The following ZNF385D variants were observed in gnomAD, a reference collection of about 807,000 sequenced individuals.
The protein encoded by ZNF385D is zinc finger protein 659.
A neutral mutation model predicts 35.8 loss-of-function variants in ZNF385D; 15 were observed. That is an observed-to-expected ratio of 0.42 (90% CI 0.28 to 0.64). ZNF385D has a LOEUF of 0.64. Ranked by LOEUF, ZNF385D falls within the 30% of genes least tolerant of loss-of-function variation. The pLI is 0.23. For synonymous variants in ZNF385D, 212 were observed against 186.8 expected, an observed-to-expected ratio of 1.13 and a Z score of -1.10; for missense variants, 474 against 494.6, an observed-to-expected ratio of 0.96 and a Z score of 0.39.
Position 21,770,304 on chromosome 3 carries a change from C to A in ZNF385D, c.326-105276G>T, listed in dbSNP as rs1196913336. 3.9e-5 allele frequency among the ~76,000 whole-genome samples: 6 copies of A among 152,212 alleles called. No individual in the cohort carries two copies. In the South Asian group the frequency reaches 1.2e-3, roughly 32 times the overall value. The stretch of plus-strand genomic sequence containing the variant: ...ACTACCATCAGAGTGAACAGGCAAC[C>A]TACAGAATGGAAGAAAATTGTTGTA... On this transcript the variant is annotated intron_variant, in intron 3 of 5. Transcript: ENST00000494108.
At chr3:22,076,801 A>C (rs977599069) in intron 3 of ZNF385D, among the ~76,000 whole-genome samples, 1 of 151,960 alleles carries the variant, frequency 6.6e-6, no homozygotes, top group Middle Eastern at 3.2e-3. Context: ...TCTTGGACAA[A>C]ATATTTGAAG....
chr3:21,996,396 G>A (rs1357030959), intron 3 of ZNF385D, among the ~76,000 whole-genome samples: 1 of 152,152 alleles, frequency 6.6e-6, no homozygotes, highest in African/African-American at 2.4e-5. Context: ...CCATGCCTCA[G>A]AGGCTCCCTG....
At chr3:22,128,207 C>G (rs1282530345) in intron 3 of ZNF385D, among the ~76,000 whole-genome samples, 1 of 152,186 alleles carries the variant, frequency 6.6e-6, no homozygotes, top group Admixed American at 6.5e-5. Flanking sequence ...TATCATGCCA[C>G]TCCCTCCTAA....
At chr3:22,270,386 C>G (rs1479195359) in intron 2 of ZNF385D, among the ~76,000 whole-genome samples, 2 of 151,956 alleles carry the variant, frequency 1.3e-5, no homozygotes, top group Admixed American at 6.6e-5. Context: ...AATAGAGAAG[C>G]CTGTCTGTTT....
At chr3:21,799,541 T>G (rs556089906) in intron 3 of ZNF385D, among the ~76,000 whole-genome samples, 1 of 152,284 alleles carries the variant, frequency 6.6e-6, no homozygotes, top group South Asian at 2.1e-4. Flanking sequence ...ATTTTTGACT[T>G]TTCATATTGT....
intron 4 of ZNF385D, among the ~76,000 whole-genome samples, chr3:21,470,875 A>G (rs576806921): frequency 4.4e-4 from 67 of 152,230 alleles, no homozygotes; most frequent in African/African-American, 1.6e-3. Flanking sequence ...ATAAACCTGG[A>G]ACACACTTTG....
At chr3:22,154,976 C>T (rs1390827236) in intron 3 of ZNF385D, among the ~76,000 whole-genome samples, 1 of 152,014 alleles carries the variant, frequency 6.6e-6, no homozygotes, top group African/African-American at 2.4e-5. Context: ...TGGTTGACTA[C>T]TATATTAAGT....
intron 3 of ZNF385D, among the ~76,000 whole-genome samples, chr3:21,968,390 A>G (rs994962506): frequency 6.6e-6 from 1 of 152,082 alleles, no homozygotes; most frequent in Admixed American, 6.5e-5. Flanking sequence ...GTTCAGAGCC[A>G]GTGGACTTGA....
chr3:22,157,283 A>G (rs1316022931), intron 3 of ZNF385D, among the ~76,000 whole-genome samples: 2 of 152,150 alleles, frequency 1.3e-5, no homozygotes, highest in Non-Finnish European at 2.9e-5. Context: ...CACATTAATT[A>G]TACACAGAAT....
At chr3:22,332,329 C>T (rs891886194) in intron 2 of ZNF385D, among the ~76,000 whole-genome samples, 1 of 152,130 alleles carries the variant, frequency 6.6e-6, no homozygotes, top group South Asian at 2.1e-4. Context: ...GGTTTTCACC[C>T]AGATGGCCTC....
intron 1 of ZNF385D, among the ~76,000 whole-genome samples, chr3:21,742,686 G>A (rs2069576642): frequency 6.6e-6 from 1 of 152,296 alleles, no homozygotes; most frequent in East Asian, 1.9e-4. Flanking sequence ...CTGCCAGGAG[G>A]CCCTGGGCCC....
At chr3:21,547,153 C>T (rs1002073340) in intron 3 of ZNF385D, among the ~76,000 whole-genome samples, 30 of 152,146 alleles carry the variant, frequency 2.0e-4, no homozygotes, top group Non-Finnish European at 2.4e-4. Context: ...TGTCTCTGTA[C>T]TATGGGAGAC....
intron 3 of ZNF385D, among the ~76,000 whole-genome samples, chr3:21,761,806 T>C (rs1575604733): frequency 6.6e-6 from 1 of 151,528 alleles, no homozygotes; most frequent in African/African-American, 2.4e-5. Context: ...TGATAAAAAT[T>C]GTATCTCACT....
intron 3 of ZNF385D, among the ~76,000 whole-genome samples, chr3:21,847,698 G>A (rs1575768618): frequency 6.6e-6 from 1 of 152,072 alleles, no homozygotes; most frequent in African/African-American, 2.4e-5. Flanking sequence ...GTTTTGGTAA[G>A]TAGAATCATG....
chr3:22,232,380 C>A (rs145675379), intron 2 of ZNF385D, among the ~76,000 whole-genome samples: 2 of 150,816 alleles, frequency 1.3e-5, no homozygotes, highest in African/African-American at 4.9e-5. Context: ...AATGGCTTCA[C>A]GTTCTTTCTT....
intron 3 of ZNF385D, among the ~76,000 whole-genome samples, chr3:21,785,878 G>A (rs2071669322): frequency 6.6e-6 from 1 of 152,158 alleles, no homozygotes; most frequent in Admixed American, 6.5e-5. Context: ...TTTCCCCACT[G>A]ATTAGCCTGC....
At chr3:22,096,391 T>C (rs1701634702) in intron 3 of ZNF385D, among the ~76,000 whole-genome samples, 1 of 152,036 alleles carries the variant, frequency 6.6e-6, no homozygotes, top group South Asian at 2.1e-4. Context: ...GCTTATTGTT[T>C]AAATAGGGCT....
chr3:21,860,531 C>G (rs1696990884), intron 3 of ZNF385D, among the ~76,000 whole-genome samples: 1 of 152,082 alleles, frequency 6.6e-6, no homozygotes, highest in African/African-American at 2.4e-5. Context: ...ACAGATATCC[C>G]CACATCAACA....
intron 2 of ZNF385D, among the ~76,000 whole-genome samples, chr3:21,612,904 C>G (rs13092351): frequency 0.41 from 61,463 of 151,704 alleles, 14,134 homozygotes; most frequent in East Asian, 0.62. Context: ...TTTCACAGTC[C>G]TAGGTAAACA....
Sources: gnomAD v4.1 joint callset for allele counts (sites outside exome capture counted in the v4.1 genomes callset) on GRCh38, gnomAD v4.1.1 for gene constraint, MANE v1.5 for transcripts, NCBI Gene and HGNC (gene_info 2026-07-23, HGNC 2026-07-21) for gene names.